GRM8: variants seen among roughly 807,000 people sequenced by gnomAD.
GRM8 encodes metabotropic glutamate receptor 8.
In GRM8, 47 loss-of-function variants were observed where a neutral mutation model predicts 87.2. That is an observed-to-expected ratio of 0.54 (90% CI 0.43 to 0.69). The LOEUF (loss-of-function observed/expected upper bound fraction) is 0.69, where lower values mean the gene tolerates loss of function less well. Among genes scored for constraint, GRM8 ranks in the 30% least tolerant of loss-of-function variants. The pLI is 0.00. For missense variants in GRM8, 1,019 were observed against 1,139.2 expected (o/e 0.89, Z 1.52); for synonymous variants, 396 against 404.5 (o/e 0.98, Z 0.25).
chr7:126,656,053 C>A (rs1257760511), intron 7 of GRM8, among the ~76,000 whole-genome samples: 1 of 152,174 alleles, frequency 6.6e-6, no homozygotes, highest in Non-Finnish European at 1.5e-5. Flanking sequence ...ATTCAGGGAA[C>A]TGTCCACTGA....
intron 3 of GRM8, among the ~76,000 whole-genome samples, chr7:126,940,329 T>C (rs1214380457): frequency 1.3e-5 from 2 of 152,226 alleles, no homozygotes; most frequent in African/African-American, 4.8e-5. Context: ...TCTGATATAG[T>C]CACCACCCAG....
intron 6 of GRM8, among the ~76,000 whole-genome samples, chr7:126,868,093 C>T (rs888599973): frequency 6.6e-6 from 1 of 152,188 alleles, no homozygotes; most frequent in East Asian, 1.9e-4. Flanking sequence ...GAGCTGAGTG[C>T]TCTCAGGCAC....
intron 7 of GRM8, among the ~76,000 whole-genome samples, chr7:126,679,061 AT>A (rs1056607546): frequency 1.3e-5 from 2 of 151,440 alleles, no homozygotes; most frequent in African/African-American, 4.9e-5. Context: ...TTTTGCCACC[AT>A]TTTTTTTCGC....
chr7:127,014,250 C>A (rs1363624362), intron 3 of GRM8, among the ~76,000 whole-genome samples: 1 of 152,158 alleles, frequency 6.6e-6, no homozygotes, highest in Non-Finnish European at 1.5e-5. Context: ...TATTTTCTAG[C>A]ACACCATCGC....
chr7:127,078,440 C>T (rs1345448339), intron 3 of GRM8, among the ~76,000 whole-genome samples: 1 of 152,230 alleles, frequency 6.6e-6, no homozygotes, highest in African/African-American at 2.4e-5. Flanking sequence ...CAGAGCAGCT[C>T]CTCCAATCTT....
At chr7:126,445,972 T>C (rs570751646) in intron 10 of GRM8, 154 bp downstream of exon 10, 73 of 852,902 alleles carry the variant, frequency 8.6e-5, no homozygotes, top group Non-Finnish European at 1.3e-4. Context: ...TTGCTTCGAA[T>C]GGTTTTAAAT....
intron 7 of GRM8, among the ~76,000 whole-genome samples, chr7:126,618,451 C>G (rs1359502390): frequency 6.6e-6 from 1 of 152,178 alleles, no homozygotes; most frequent in Admixed American, 6.5e-5. Flanking sequence ...CAATACCATT[C>G]ACGACATAGG....
rs1352712030 is a variant in GRM8, at chr7:126,608,786, C to T, written c.1494+576G>A. 4.3e-5 allele frequency among the ~76,000 whole-genome samples: 6 copies of T among 139,344 alleles called. No homozygotes were observed. The South Asian group carries it at 1.1e-3, about 26-fold the overall frequency. 91.4% of individuals were successfully genotyped at this position (139,344 alleles called of 152,430 possible). A position where few individuals can be genotyped will look rare whatever the true frequency, so the allele number is the denominator to read the frequency against. The stretch of plus-strand genomic sequence containing the variant: ...TTTTTTTTTTTTTTTTTTCTTGAGA[C>T]GGAGTCTCGCTCTGACGCCCAGGCT... On this transcript the variant is annotated intron_variant, in intron 8 of 10. Transcript: ENST00000339582.
intron 2 of GRM8, among the ~76,000 whole-genome samples, chr7:127,113,229 C>CTT (rs1826488418): frequency 6.6e-6 from 1 of 152,082 alleles, no homozygotes; most frequent in Non-Finnish European, 1.5e-5. Context: ...ATTCAGAATG[C>CTT]CATAAGTTTT....
At chr7:126,899,103 C>T (rs1018416124) in intron 6 of GRM8, among the ~76,000 whole-genome samples, 1 of 30,870 alleles carries the variant, frequency 3.2e-5, no homozygotes, top group Non-Finnish European at 6.7e-5. Context: ...GACTGGTTAA[C>T]AGTGTGTGTG....
intron 7 of GRM8, among the ~76,000 whole-genome samples, chr7:126,652,866 C>T (rs1230081211): frequency 6.6e-6 from 1 of 152,104 alleles, no homozygotes; most frequent in Non-Finnish European, 1.5e-5. Flanking sequence ...TTTATTCTAA[C>T]AGGCTTAAGG....
intron 7 of GRM8, among the ~76,000 whole-genome samples, chr7:126,617,127 A>G (rs62477896): frequency 0.13 from 20,219 of 152,242 alleles, 1,666 homozygotes; most frequent in Non-Finnish European, 0.18. Flanking sequence ...AAAATTCTCA[A>G]TAAAATACTG....
At chr7:126,480,355 G>A (rs568484891) in intron 9 of GRM8, among the ~76,000 whole-genome samples, 234 of 152,132 alleles carry the variant, frequency 1.5e-3, no homozygotes, top group Non-Finnish European at 2.7e-3. Flanking sequence ...CTGCACTCCA[G>A]TCTGGTTGAC....
chr7:126,513,915 A>G (rs1262084987), intron 9 of GRM8, among the ~76,000 whole-genome samples: 1 of 152,060 alleles, frequency 6.6e-6, no homozygotes, highest in Non-Finnish European at 1.5e-5. Context: ...GCCTACATGT[A>G]GCTTTTTATC....
intron 2 of GRM8, among the ~76,000 whole-genome samples, chr7:127,234,705 C>A (rs1392203924): frequency 6.6e-6 from 1 of 152,182 alleles, no homozygotes; most frequent in African/African-American, 2.4e-5. Flanking sequence ...CCCACTGAAT[C>A]AGAAACTCTG....
chr7:126,745,068 T>C (rs1472941533), intron 7 of GRM8, among the ~76,000 whole-genome samples: 4 of 151,914 alleles, frequency 2.6e-5, no homozygotes, highest in Non-Finnish European at 4.4e-5. Context: ...TCAATGATAA[T>C]GCACACAAGA....
chr7:126,723,523 G>C (rs1024418), intron 7 of GRM8, among the ~76,000 whole-genome samples: 34,876 of 150,478 alleles, frequency 0.23, 4,307 homozygotes, highest in East Asian at 0.33. Flanking sequence ...AATGGCTCAA[G>C]AATTTGTAAT....
intron 7 of GRM8, among the ~76,000 whole-genome samples, chr7:126,632,181 A>G (rs1235425066): frequency 1.3e-5 from 2 of 152,210 alleles, no homozygotes; most frequent in African/African-American, 4.8e-5. Flanking sequence ...AAGCAAATTT[A>G]TAAGAAAAAA....
At chr7:127,113,094 G>T (rs1826479661) in intron 2 of GRM8, among the ~76,000 whole-genome samples, 1 of 152,160 alleles carries the variant, frequency 6.6e-6, no homozygotes, top group African/African-American at 2.4e-5. Context: ...GCTCCAAGGG[G>T]ATCAGAGACT....
Sources: gnomAD v4.1 joint callset for allele counts (sites outside exome capture counted in the v4.1 genomes callset) on GRCh38, gnomAD v4.1.1 for gene constraint, MANE v1.5 for transcripts, NCBI Gene and HGNC (gene_info 2026-07-23, HGNC 2026-07-21) for gene names.